CACNA2D3: variants seen among roughly 807,000 people sequenced by gnomAD.
CACNA2D3 encodes the protein voltage-dependent calcium channel subunit alpha-2/delta-3.
In CACNA2D3, 60 loss-of-function variants were observed where a neutral mutation model predicts 160.6. The observed-to-expected ratio is 0.37, with a 90% CI of 0.30 to 0.46. The LOEUF (loss-of-function observed/expected upper bound fraction) is 0.46, where lower values mean the gene tolerates loss of function less well. Among genes scored for constraint, CACNA2D3 ranks in the 20% least tolerant of loss-of-function variants. The probability of loss-of-function intolerance (pLI) is 1.00; values close to 1 mark genes in which losing one functional copy is unlikely to be tolerated. For synonymous variants in CACNA2D3, 558 were observed against 492.9 expected, an observed-to-expected ratio of 1.13 and a Z score of -1.75; for missense variants, 1,205 against 1,365.0, an observed-to-expected ratio of 0.88 and a Z score of 1.85.
At chr3:54,444,403 A>T (rs1247334731) in intron 4 of CACNA2D3, among the ~76,000 whole-genome samples, 1 of 152,268 alleles carries the variant, frequency 6.6e-6, no homozygotes, top group South Asian at 2.1e-4. Flanking sequence ...TGTGTTTTCA[A>T]AACATTCCCT....
chr3:54,612,164 G>C (rs1442909759), intron 9 of CACNA2D3, among the ~76,000 whole-genome samples: 1 of 152,152 alleles, frequency 6.6e-6, no homozygotes, highest in East Asian at 1.9e-4. Context: ...AGGGCTTACA[G>C]CTGAAAATCA....
intron 4 of CACNA2D3, among the ~76,000 whole-genome samples, chr3:54,400,664 G>A (rs982490518): frequency 2.6e-5 from 4 of 152,118 alleles, no homozygotes; most frequent in African/African-American, 9.7e-5. Context: ...GCTTCACAGA[G>A]GATATACAAC....
chr3:54,623,134 G>C (rs1699026664), intron 9 of CACNA2D3, among the ~76,000 whole-genome samples: 1 of 152,222 alleles, frequency 6.6e-6, no homozygotes, highest in African/African-American at 2.4e-5. Context: ...GAGGAGCAAA[G>C]GTATTGGTTC....
chr3:54,303,822 T>TTTGTTTTTTTTG (rs1310252633), intron 2 of CACNA2D3, among the ~76,000 whole-genome samples: 3 of 105,436 alleles, frequency 2.8e-5, no homozygotes, highest in East Asian at 4.1e-4. Context: ...TTTTCTGTTT[T>TTTGTTTTTTTTG]TTTTTTTTTT....
chr3:54,890,229 G>C (rs1376070318), intron 24 of CACNA2D3, among the ~76,000 whole-genome samples: 1 of 152,114 alleles, frequency 6.6e-6, no homozygotes, highest in African/African-American at 2.4e-5. Flanking sequence ...AGGCATGGTG[G>C]CTCACACCTG....
intron 4 of CACNA2D3, among the ~76,000 whole-genome samples, chr3:54,479,469 T>C (rs898433729): frequency 6.6e-6 from 1 of 152,178 alleles, no homozygotes; most frequent in East Asian, 1.9e-4. Flanking sequence ...AGAAGAAATA[T>C]GGAAGTTTTG....
At chr3:54,262,962 G>C (rs554866247) in intron 2 of CACNA2D3, among the ~76,000 whole-genome samples, 1 of 152,204 alleles carries the variant, frequency 6.6e-6, no homozygotes, top group African/African-American at 2.4e-5. Flanking sequence ...TACAGATCAG[G>C]ATTCGGCTCT....
At chr3:54,675,959 C>T (rs142429888) in intron 11 of CACNA2D3, among the ~76,000 whole-genome samples, 64 of 152,272 alleles carry the variant, frequency 4.2e-4, no homozygotes, top group African/African-American at 1.0e-3. Flanking sequence ...GTCTTGGGAT[C>T]GTTTTGTCTT....
At chr3:54,613,136 A>C (rs1042322067) in intron 9 of CACNA2D3, among the ~76,000 whole-genome samples, 1 of 152,204 alleles carries the variant, frequency 6.6e-6, no homozygotes, top group Admixed American at 6.5e-5. Flanking sequence ...GACCTCTTAC[A>C]GTGTACATTA....
At chr3:54,237,008 C>CCT (rs1701892196) in intron 2 of CACNA2D3, among the ~76,000 whole-genome samples, 1 of 140,798 alleles carries the variant, frequency 7.1e-6, no homozygotes, top group African/African-American at 2.6e-5. Flanking sequence ...CCTGAAACTT[C>CCT]TTTTTTTTTT....
At chr3:54,554,825 C>T (rs1702215154) in intron 5 of CACNA2D3, among the ~76,000 whole-genome samples, 1 of 150,032 alleles carries the variant, frequency 6.7e-6, no homozygotes, top group Non-Finnish European at 1.5e-5. Flanking sequence ...AGTTGGAAGC[C>T]CCTCTTGAGA....
chr3:54,937,916 G>A (rs1701370256), intron 27 of CACNA2D3, among the ~76,000 whole-genome samples: 2 of 152,044 alleles, frequency 1.3e-5, no homozygotes, highest in Non-Finnish European at 2.9e-5. Context: ...CTCATCTCCC[G>A]GTCACTTTAT....
intron 3 of CACNA2D3, among the ~76,000 whole-genome samples, chr3:54,356,226 A>G (rs1332293056): frequency 6.6e-6 from 1 of 152,208 alleles, no homozygotes; most frequent in East Asian, 1.9e-4. Context: ...CTTATGGGAT[A>G]AAACTGAGTT....
At chr3:54,588,528 A>G (rs1386157058) in intron 9 of CACNA2D3, among the ~76,000 whole-genome samples, 1 of 152,192 alleles carries the variant, frequency 6.6e-6, no homozygotes, top group African/African-American at 2.4e-5. Flanking sequence ...TTCAGATAAC[A>G]TGATTGTGTA....
chr3:54,354,586 G>C (rs926435974), intron 3 of CACNA2D3, among the ~76,000 whole-genome samples: 7 of 152,182 alleles, frequency 4.6e-5, no homozygotes, highest in Non-Finnish European at 1.0e-4. Flanking sequence ...TTTTCTGTCA[G>C]TGCTCTTACT....
chr3:54,931,051 G>A (rs1575385740), intron 27 of CACNA2D3, among the ~76,000 whole-genome samples: 2 of 152,132 alleles, frequency 1.3e-5, no homozygotes, highest in South Asian at 2.1e-4. Context: ...AGCCGAGATC[G>A]TGCCACTGTA....
intron 29 of CACNA2D3, among the ~76,000 whole-genome samples, chr3:54,982,948 T>C (rs1226445225): frequency 1.3e-5 from 2 of 152,114 alleles, no homozygotes; most frequent in East Asian, 1.9e-4. Flanking sequence ...TTATGACTTG[T>C]TGTATCTTAT....
At chr3:54,527,827 G>A (rs575733430) in intron 5 of CACNA2D3, among the ~76,000 whole-genome samples, 108 of 152,262 alleles carry the variant, frequency 7.1e-4, no homozygotes, top group African/African-American at 2.5e-3. Flanking sequence ...ATGAGAGAGG[G>A]AGGGAGCAGG....
At chr3:54,548,213 T>C (rs1412714279) in intron 5 of CACNA2D3, among the ~76,000 whole-genome samples, 1 of 152,222 alleles carries the variant, frequency 6.6e-6, no homozygotes, top group Non-Finnish European at 1.5e-5. Context: ...CCAACACCTG[T>C]GTGATTACTT....
Sources: gnomAD v4.1 joint callset for allele counts (sites outside exome capture counted in the v4.1 genomes callset) on GRCh38, gnomAD v4.1.1 for gene constraint, MANE v1.5 for transcripts, NCBI Gene and HGNC (gene_info 2026-07-23, HGNC 2026-07-21) for gene names.